ARHGAP26: variants seen among roughly 807,000 people sequenced by gnomAD.
The protein encoded by ARHGAP26 is rho GTPase-activating protein 26.
In ARHGAP26, 38 loss-of-function variants were observed where a neutral mutation model predicts 104.8. That is an observed-to-expected ratio of 0.36 (90% CI 0.28 to 0.48). The LOEUF (loss-of-function observed/expected upper bound fraction) is 0.48, where lower values mean the gene tolerates loss of function less well. Among genes scored for constraint, ARHGAP26 ranks in the 20% least tolerant of loss-of-function variants. ARHGAP26 has a pLI of 0.99. For synonymous variants in ARHGAP26, 341 were observed against 340.0 expected, an observed-to-expected ratio of 1.00 and a Z score of -0.03; for missense variants, 704 against 947.9, an observed-to-expected ratio of 0.74 and a Z score of 3.38.
chr5:142,811,897 A>C (rs1764145506), intron 1 of ARHGAP26, among the ~76,000 whole-genome samples: 1 of 152,154 alleles, frequency 6.6e-6, no homozygotes, highest in Non-Finnish European at 1.5e-5. Context: ...TTGGCCTCTA[A>C]GTAATTCTTG....
chr5:143,072,141 G>C (rs1788364577), intron 17 of ARHGAP26, among the ~76,000 whole-genome samples: 1 of 152,040 alleles, frequency 6.6e-6, no homozygotes, highest in South Asian at 2.1e-4. Flanking sequence ...GAAGACAGAT[G>C]GCCTGCAAAT....
intron 1 of ARHGAP26, among the ~76,000 whole-genome samples, chr5:142,856,364 C>T (rs1244422122): frequency 6.6e-6 from 1 of 152,224 alleles, no homozygotes; most frequent in Non-Finnish European, 1.5e-5. Flanking sequence ...GATCTGAGGA[C>T]ACCTATCTTG....
At chr5:142,820,211 G>C (rs1404814699) in intron 1 of ARHGAP26, among the ~76,000 whole-genome samples, 3 of 152,182 alleles carry the variant, frequency 2.0e-5, no homozygotes, top group African/African-American at 7.2e-5. Context: ...CTTATCAAGA[G>C]TTTCAGGAGA....
At chr5:143,013,394 G>A (rs187114125) in intron 11 of ARHGAP26, among the ~76,000 whole-genome samples, 1 of 152,118 alleles carries the variant, frequency 6.6e-6, no homozygotes, top group Non-Finnish European at 1.5e-5. Flanking sequence ...ATATGTCATT[G>A]TCTCTTTTAT....
At chr5:142,963,202 G>GTATATATATA (rs1228738617) in intron 11 of ARHGAP26, among the ~76,000 whole-genome samples, 4 of 89,934 alleles carry the variant, frequency 4.4e-5, no homozygotes, top group South Asian at 4.3e-4. Flanking sequence ...ATATATATGT[G>GTATATATATA]TGTGTGTGTG....
At chr5:143,112,691 A>G (rs1276783008) in intron 17 of ARHGAP26, among the ~76,000 whole-genome samples, 1 of 152,188 alleles carries the variant, frequency 6.6e-6, no homozygotes, top group East Asian at 1.9e-4. Flanking sequence ...AGTACCTCAT[A>G]TCAGTAGAAT....
chr5:143,216,504 G>T, intron 22 of ARHGAP26: 1 of 326,190 alleles, frequency 3.1e-6, no homozygotes, highest in Non-Finnish European at 6.1e-6. Flanking sequence ...AAGCAAGGTC[G>T]GCAAACTATG....
chr5:142,794,378 G>T (rs79495897), intron 1 of ARHGAP26, among the ~76,000 whole-genome samples: 1 of 152,152 alleles, frequency 6.6e-6, no homozygotes, highest in Non-Finnish European at 1.5e-5. Flanking sequence ...TACAGAAGGA[G>T]GGGGGACAGA....
At chr5:143,167,307 TAAAAAAAAAA>T (rs35142931) in intron 20 of ARHGAP26, among the ~76,000 whole-genome samples, 9 of 96,900 alleles carry the variant, frequency 9.3e-5, no homozygotes, top group African/African-American at 3.7e-4. Flanking sequence ...ATCTCTACTT[TAAAAAAAAAA>T]AAAAAAAAAA....
At chr5:142,808,591 T>C (rs999655770) in intron 1 of ARHGAP26, among the ~76,000 whole-genome samples, 1 of 151,890 alleles carries the variant, frequency 6.6e-6, no homozygotes, top group African/African-American at 2.4e-5. Flanking sequence ...AGAAATACAA[T>C]CTTTTGATTG....
intron 10 of ARHGAP26, among the ~76,000 whole-genome samples, chr5:142,929,063 G>A (rs1166700472): frequency 3.3e-5 from 5 of 152,150 alleles, no homozygotes; most frequent in Admixed American, 1.3e-4. Flanking sequence ...TCAGCCTCCC[G>A]AGTAGCTGGG....
intron 17 of ARHGAP26, among the ~76,000 whole-genome samples, chr5:143,080,620 G>A (rs1194316442): frequency 3.3e-5 from 5 of 152,244 alleles, no homozygotes; most frequent in African/African-American, 9.6e-5. Flanking sequence ...CACCCTGGGC[G>A]TGGTCACGGA....
At chr5:142,946,137 C>T (rs1767066317) in intron 11 of ARHGAP26, among the ~76,000 whole-genome samples, 1 of 152,218 alleles carries the variant, frequency 6.6e-6, no homozygotes, top group African/African-American at 2.4e-5. Context: ...GTTTCTCTCT[C>T]TGCATCTTCT....
chr5:142,874,191 T>C lies in ARHGAP26; in HGVS notation c.250+696T>C, dbSNP rs1357367623. 3.9e-5 allele frequency among the ~76,000 whole-genome samples: 6 copies of C among 152,206 alleles called. No homozygotes were observed. In the East Asian group the frequency reaches 1.2e-3, roughly 29 times the overall value. ...ATCACCACGGTGTGTTGCTTCACTC[T>C]TCACCATCACCTGCCTTGGTCTGTA... On this transcript the variant is annotated intron_variant, in intron 2 of 22. Coordinates refer to ENST00000645722, the MANE Select transcript of ARHGAP26 (RefSeq NM_001135608.3).
chr5:143,027,403 C>T (rs950007848), intron 12 of ARHGAP26, among the ~76,000 whole-genome samples: 1 of 148,428 alleles, frequency 6.7e-6, no homozygotes, highest in African/African-American at 2.5e-5. Flanking sequence ...AGGTTGGTCT[C>T]GAATTCCTGA....
intron 11 of ARHGAP26, among the ~76,000 whole-genome samples, chr5:142,935,975 A>C (rs1765350444): frequency 6.6e-6 from 1 of 152,138 alleles, no homozygotes; most frequent in Admixed American, 6.5e-5. Context: ...ACTCTTACTC[A>C]GCAGAGGACT....
intron 12 of ARHGAP26, among the ~76,000 whole-genome samples, chr5:143,036,870 A>G (rs1007296752): frequency 6.6e-6 from 1 of 152,224 alleles, no homozygotes; most frequent in Non-Finnish European, 1.5e-5. Flanking sequence ...TAGCAGAGCA[A>G]TGTAAAGGTA....
intron 22 of ARHGAP26, 70 bp from the exon 23 acceptor site, chr5:143,222,286 CCA>C (rs1264241346): frequency 2.1e-6 from 2 of 965,698 alleles, no homozygotes; most frequent in Non-Finnish European, 3.1e-6. Context: ...CACACACACC[CCA>C]CACACACATC....
chr5:142,927,733 T>G (rs1764127661), intron 10 of ARHGAP26, among the ~76,000 whole-genome samples: 1 of 152,196 alleles, frequency 6.6e-6, no homozygotes, highest in Non-Finnish European at 1.5e-5. Context: ...TATGTTTAGT[T>G]CTAGCAGATA....
Sources: gnomAD v4.1 joint callset for allele counts (sites outside exome capture counted in the v4.1 genomes callset) on GRCh38, gnomAD v4.1.1 for gene constraint, MANE v1.5 for transcripts, NCBI Gene and HGNC (gene_info 2026-07-23, HGNC 2026-07-21) for gene names.